EYS: variants seen among roughly 807,000 people sequenced by gnomAD.
The protein encoded by EYS is protein eyes shut homolog.
A neutral mutation model predicts 282.1 loss-of-function variants in EYS; 250 were observed. That is an observed-to-expected ratio of 0.89 (90% CI 0.80 to 0.98). EYS has a LOEUF of 0.98. EYS is among the 50% of genes least tolerant of loss of function. The pLI is 0.00. For synonymous variants in EYS, 1,355 were observed against 1,282.9 expected (o/e 1.06, Z -1.20); for missense variants, 4,016 against 3,709.0 (o/e 1.08, Z -2.15).
At chr6:64,755,520 A>G (rs1772907686) in intron 22 of EYS, among the ~76,000 whole-genome samples, 1 of 151,756 alleles carries the variant, frequency 6.6e-6, no homozygotes, top group Non-Finnish European at 1.5e-5. Context: ...ACACACACAC[A>G]CACACACACA....
At chr6:64,451,276 C>T (rs986560488) in intron 26 of EYS, among the ~76,000 whole-genome samples, 1 of 152,172 alleles carries the variant, frequency 6.6e-6, no homozygotes, top group African/African-American at 2.4e-5. Flanking sequence ...GGATAAATTC[C>T]ATGACACACA....
At chr6:64,710,049 T>A (rs2149933422) in intron 22 of EYS, among the ~76,000 whole-genome samples, 1 of 152,294 alleles carries the variant, frequency 6.6e-6, no homozygotes, top group East Asian at 1.9e-4. Flanking sequence ...CTTCTAAAAA[T>A]AAGTATTTCC....
chr6:65,093,818 T>C (rs370329955), intron 12 of EYS, among the ~76,000 whole-genome samples: 5 of 151,682 alleles, frequency 3.3e-5, no homozygotes, highest in Admixed American at 6.6e-5. Context: ...AACTTCACAA[T>C]TGAAATACAT....
At chr6:65,427,773 A>G (rs964798064) in intron 5 of EYS, among the ~76,000 whole-genome samples, 3 of 152,108 alleles carry the variant, frequency 2.0e-5, no homozygotes, top group Non-Finnish European at 4.4e-5. Flanking sequence ...CAGATTTGAA[A>G]TAATCAAAAT....
chr6:64,283,012 A>G lies in EYS; in HGVS notation c.6191+23958T>C, dbSNP rs1197987862. Among the ~76,000 whole-genome samples the G allele has an allele frequency of 3.3e-5, 5 of 152,220 alleles. No homozygotes were observed. In the East Asian group the frequency reaches 9.6e-4, roughly 29 times the overall value. Reference sequence around the variant, plus strand: ...CCCAGTCATACTGAAATTGAAATTTAAAATCTTTAATGTGGCTATAAATTT... The same window carrying G: ...CCCAGTCATACTGAAATTGAAATTTGAAATCTTTAATGTGGCTATAAATTT... On this transcript the variant is annotated intron_variant, in intron 30 of 42. Coordinates refer to ENST00000503581, the MANE Select transcript of EYS (RefSeq NM_001142800.2).
chr6:64,008,790 C>G (rs1423856526), intron 33 of EYS, among the ~76,000 whole-genome samples: 2 of 152,154 alleles, frequency 1.3e-5, no homozygotes, highest in African/African-American at 4.8e-5. Context: ...TGAATATAGG[C>G]CCCCAATCTC....
intron 34 of EYS, among the ~76,000 whole-genome samples, chr6:63,995,456 T>A (rs920399355): frequency 6.6e-6 from 1 of 152,098 alleles, no homozygotes; most frequent in East Asian, 1.9e-4. Context: ...TTGGTCAGGA[T>A]GTAAGATGAT....
chr6:64,513,656 T>C (rs1777473898), intron 26 of EYS, among the ~76,000 whole-genome samples: 1 of 151,896 alleles, frequency 6.6e-6, no homozygotes, highest in Non-Finnish European at 1.5e-5. Context: ...ATTTGAAGTA[T>C]CAATATTTAT....
intron 19 of EYS, among the ~76,000 whole-genome samples, chr6:64,843,481 A>G (rs1270584542): frequency 6.6e-6 from 1 of 152,208 alleles, no homozygotes; most frequent in East Asian, 1.9e-4. Flanking sequence ...CATGACCTGG[A>G]TGTGAGACAT....
intron 22 of EYS, among the ~76,000 whole-genome samples, chr6:64,800,668 A>G (rs1774512523): frequency 6.6e-6 from 1 of 151,760 alleles, no homozygotes; most frequent in Non-Finnish European, 1.5e-5. Flanking sequence ...TTTCCTATAA[A>G]TTAAAACATT....
At chr6:64,575,605 G>T (rs1057362543) in intron 26 of EYS, among the ~76,000 whole-genome samples, 2 of 152,092 alleles carry the variant, frequency 1.3e-5, no homozygotes, top group African/African-American at 2.4e-5. Flanking sequence ...CTAAAGTATG[G>T]TCAGGTACAC....
At chr6:64,093,227 G>A (rs1196908022) in intron 31 of EYS, among the ~76,000 whole-genome samples, 1 of 152,020 alleles carries the variant, frequency 6.6e-6, no homozygotes, top group Non-Finnish European at 1.5e-5. Flanking sequence ...GGATTGACTT[G>A]ACAATGTGGG....
At position 64,331,320 on chromosome 6, in the gene EYS, C is replaced by T. The variant is rs1770637917; in HGVS notation, c.6079-24238G>A. 2.0e-5 allele frequency among the ~76,000 whole-genome samples: 3 copies of T among 151,972 alleles called. No individual in the cohort carries two copies. The South Asian group carries it at 6.2e-4, about 32-fold the overall frequency. On this transcript the variant is annotated intron_variant, in intron 29 of 42. Coordinates refer to ENST00000503581, the MANE Select transcript of EYS (RefSeq NM_001142800.2). ...CAGCTCTTAGAAGCCATATGGGCTC[C>T]AAAAGAAGTAGCAGTCATCTATTGC...
intron 28 of EYS, among the ~76,000 whole-genome samples, chr6:64,412,309 G>A (rs1287136337): frequency 6.6e-6 from 1 of 151,980 alleles, no homozygotes; most frequent in African/African-American, 2.4e-5. Flanking sequence ...AGTGTAAGAA[G>A]TTTTAAAGAA....
At chr6:64,040,561 G>A (rs980031937) in intron 33 of EYS, among the ~76,000 whole-genome samples, 5 of 152,036 alleles carry the variant, frequency 3.3e-5, no homozygotes, top group African/African-American at 1.2e-4. Flanking sequence ...ATTTTAAATT[G>A]GTTTTGGAAA....
intron 12 of EYS, among the ~76,000 whole-genome samples, chr6:65,284,864 T>C (rs1768317101): frequency 6.6e-6 from 1 of 152,112 alleles, no homozygotes; most frequent in Admixed American, 6.6e-5. Flanking sequence ...CTATAACTTA[T>C]AACATCTGAT....
intron 12 of EYS, among the ~76,000 whole-genome samples, chr6:65,158,862 C>T (rs906121394): frequency 8.6e-5 from 13 of 151,014 alleles, no homozygotes; most frequent in East Asian, 3.9e-4. Context: ...ATTTGCACTG[C>T]GGAATCATTT....
intron 35 of EYS, among the ~76,000 whole-genome samples, chr6:63,879,866 G>T (rs1458717362): frequency 6.6e-6 from 1 of 152,112 alleles, no homozygotes; most frequent in Admixed American, 6.5e-5. Flanking sequence ...GGTAAACAGG[G>T]ACTATCCCAG....
intron 15 of EYS, among the ~76,000 whole-genome samples, chr6:64,922,070 G>A (rs928500776): frequency 1.3e-5 from 2 of 152,198 alleles, no homozygotes; most frequent in Non-Finnish European, 2.9e-5. Flanking sequence ...TGGAATTTCA[G>A]AGACATGCAA....
Sources: gnomAD v4.1 joint callset for allele counts (sites outside exome capture counted in the v4.1 genomes callset) on GRCh38, gnomAD v4.1.1 for gene constraint, MANE v1.5 for transcripts, NCBI Gene and HGNC (gene_info 2026-07-23, HGNC 2026-07-21) for gene names.